Variants in SNX27 observed in about 807,000 individuals in gnomAD.
SNX27 encodes sorting nexin-27.
Under a neutral mutation model 71.6 loss-of-function variants are expected in SNX27, and 22 were observed. That is an observed-to-expected ratio of 0.31 (90% CI 0.22 to 0.44). SNX27 has a LOEUF of 0.44. Among genes scored for constraint, SNX27 ranks in the 20% least tolerant of loss-of-function variants. The pLI is 1.00. For synonymous variants in SNX27, 269 were observed against 277.2 expected (o/e 0.97, Z 0.29); for missense variants, 531 against 698.6 (o/e 0.76, Z 2.70).
Position 151,612,369 on chromosome 1 carries a change from C to T in SNX27, c.168C>T (p.Asn56=). 1 of 1,546,382 alleles carries T rather than the reference C, an allele frequency of 6.5e-7. No individual in the cohort carries two copies. The highest frequency in any genetic ancestry group is 8.7e-7 in the Non-Finnish European group (1 of 1,150,824). Residue 56 remains asparagine, a synonymous_variant, in exon 1 of 12, where the codon AAC becomes AAT. Coordinates refer to ENST00000458013, the MANE Select transcript of SNX27 (RefSeq NM_001330723.2). The surrounding 1 kb of genome is among the most constrained non-coding windows in gnomAD (Gnocchi z 5.2). ...IVKSESGYGF[N]VRGQVSEGGQ... is the part of the protein sequence containing the mutation. Reference sequence around the variant, plus strand: ...AGTCCGAGTCCGGCTACGGCTTCAACGTGCGGGGCCAAGTGAGCGAGGGCG... The same window carrying T: ...AGTCCGAGTCCGGCTACGGCTTCAATGTGCGGGGCCAAGTGAGCGAGGGCG...
intron 7 of SNX27, chr1:151,669,405 C>T (rs1670358734): frequency 6.6e-6 from 1 of 152,226 alleles, no homozygotes; most frequent in East Asian, 1.9e-4. Context: ...TTATTGCCCT[C>T]CTTTTTCATT....
intron 1 of SNX27, among the ~76,000 whole-genome samples, chr1:151,629,813 A>T (rs1668131770): frequency 6.6e-6 from 1 of 151,838 alleles, no homozygotes; most frequent in South Asian, 2.1e-4. Flanking sequence ...TCCTGACCTC[A>T]GGTGATCTGC....
At chr1:151,694,043 AG>A (rs1671587121) in intron 11 of SNX27, 2 of 1,226,938 alleles carry the variant, frequency 1.6e-6, no homozygotes, top group Non-Finnish European at 2.0e-6. Flanking sequence ...TTTATATTTT[AG>A]TACAGTAGAA....
chr1:151,683,422 T>A lies in SNX27; in HGVS notation c.1216T>A (p.Tyr406Asn). ...EEKSYQLQKL[Y>N]EQRKMVMYLN... is the part of the protein sequence containing the mutation. Reference sequence around the variant, plus strand: ...AAAGTCCTATCAATTACAGAAGCTATACGAACAAAGAAAAATGGTCATGGT... The same window carrying A: ...AAAGTCCTATCAATTACAGAAGCTAAACGAACAAAGAAAAATGGTCATGGT... Residue 406 changes from tyrosine to asparagine, a missense_variant, in exon 8 of 12, where the codon TAC becomes AAC. Tyr to Asn is a moderately radical substitution (Grantham distance 143). Coordinates refer to ENST00000458013, the MANE Select transcript of SNX27 (RefSeq NM_001330723.2). The A allele has an allele frequency of 6.2e-7, 1 of 1,613,554 alleles. No individual in the cohort carries two copies.
intron 2 of SNX27, among the ~76,000 whole-genome samples, chr1:151,639,927 T>A (rs1167402504): frequency 6.6e-6 from 1 of 152,212 alleles, no homozygotes; most frequent in African/African-American, 2.4e-5. Flanking sequence ...TGGGTTCTGT[T>A]AGATGCTGGC....
At chr1:151,660,239 A>AG (rs1324847534) in intron 3 of SNX27, 3 of 142,330 alleles carry the variant, frequency 2.1e-5, no homozygotes, top group African/African-American at 7.8e-5. Context: ...ACGTCCCCCC[A>AG]GTTTTTTTTT....
intron 5 of SNX27, among the ~76,000 whole-genome samples, chr1:151,663,688 A>G (rs537454865): frequency 1.7e-4 from 26 of 152,194 alleles, no homozygotes; most frequent in Middle Eastern, 3.4e-3. Context: ...TGCTTTTTTG[A>G]TAATACTTCA....
chr1:151,670,989 A>C (rs1670432341), intron 7 of SNX27, among the ~76,000 whole-genome samples: 2 of 152,164 alleles, frequency 1.3e-5, no homozygotes, highest in Admixed American at 1.3e-4. Context: ...GGCTAGTTTC[A>C]TTCTTTTGCA....
chr1:151,625,242 GACGCC>G (rs1191490604), intron 1 of SNX27, among the ~76,000 whole-genome samples: 46 of 152,270 alleles, frequency 3.0e-4, no homozygotes, highest in East Asian at 5.8e-4. Context: ...CGCTGTGGCT[GACGCC>G]TGTAATCCCA....
chr1:151,669,806 T>G (rs1360413251), intron 7 of SNX27, among the ~76,000 whole-genome samples: 1 of 152,212 alleles, frequency 6.6e-6, no homozygotes, highest in Non-Finnish European at 1.5e-5. Context: ...TGAGATGTTT[T>G]GATACAGGCA....
At chr1:151,652,108 G>A (rs1442170080) in intron 2 of SNX27, among the ~76,000 whole-genome samples, 1 of 151,892 alleles carries the variant, frequency 6.6e-6, no homozygotes. Context: ...GGAGAATCAG[G>A]CAGGGAGGTT....
At chr1:151,616,442 G>A (rs1667428867) in intron 1 of SNX27, among the ~76,000 whole-genome samples, 1 of 152,138 alleles carries the variant, frequency 6.6e-6, no homozygotes, top group Non-Finnish European at 1.5e-5. Flanking sequence ...CAGTATATAT[G>A]CTTTCCTCTT....
At position 151,696,482 on chromosome 1, in the gene SNX27, T is replaced by TTTCG. The variant is rs1240609940; in HGVS notation, c.*2068_*2069insGTTC. On this transcript the variant is annotated 3_prime_UTR_variant, in exon 12 of 12. Transcript: ENST00000458013. ...CACTTTTTCTTTCTTTCTTTCTTTCTTTCTTTCTTTCTTTCTTTCTTTCGT... is the reference window on the plus strand; with the variant it reads ...CACTTTTTCTTTCTTTCTTTCTTTCTTTCGTTCTTTCTTTCTTTCTTTCTTTCGT... 1.6e-5 allele frequency: 2 copies of TTTCG among 121,440 alleles called. No homozygotes were observed. Among genetic ancestry groups the TTTCG allele is most frequent in the African/African-American group, 6.9e-5 (2 of 28,882 alleles). 7.5% of individuals were successfully genotyped at this position (121,440 alleles called of 1,614,324 possible).
At chr1:151,631,274 AG>A (rs773563164) in intron 1 of SNX27, among the ~76,000 whole-genome samples, 1 of 152,196 alleles carries the variant, frequency 6.6e-6, no homozygotes, top group East Asian at 1.9e-4. Flanking sequence ...CTCATATGCC[AG>A]GGGTCTTTTT....
chr1:151,686,780 C>T (rs1019911621), intron 8 of SNX27, among the ~76,000 whole-genome samples: 6 of 152,220 alleles, frequency 3.9e-5, no homozygotes, highest in African/African-American at 9.6e-5. Context: ...GGCCAGGTCA[C>T]TACAATTAGT....
At chr1:151,617,263 TTTTATTTA>T (rs71090200) in intron 1 of SNX27, among the ~76,000 whole-genome samples, 29 of 151,236 alleles carry the variant, frequency 1.9e-4, no homozygotes, top group South Asian at 4.2e-4. Context: ...TAGTTTGTAG[TTTTATTTA>T]TTTATTTATT....
At chr1:151,630,511 A>G (rs1668177065) in intron 1 of SNX27, among the ~76,000 whole-genome samples, 2 of 152,184 alleles carry the variant, frequency 1.3e-5, no homozygotes, top group African/African-American at 4.8e-5. Flanking sequence ...TGCTTTTATC[A>G]TCCATCAATA....
chr1:151,642,662 G>A (rs1348717500), intron 2 of SNX27, among the ~76,000 whole-genome samples: 3 of 151,788 alleles, frequency 2.0e-5, no homozygotes, highest in East Asian at 3.9e-4. Context: ...TTTTTGAGAT[G>A]GAGTCTTGCT....
intron 2 of SNX27, among the ~76,000 whole-genome samples, chr1:151,653,500 T>C (rs570654157): frequency 2.1e-4 from 32 of 152,238 alleles, no homozygotes; most frequent in Admixed American, 6.5e-4. Flanking sequence ...GGGCTGGGGT[T>C]CTGAAGGTTT....
Sources: allele counts gnomAD v4.1 joint callset (sites outside exome capture counted in the v4.1 genomes callset), GRCh38; gene constraint gnomAD v4.1.1; non-coding constraint Gnocchi (gnomAD v3.1); transcripts MANE v1.5; gene names NCBI Gene and HGNC (gene_info 2026-07-23, HGNC 2026-07-21).